Variants in YPEL1 observed in about 807,000 individuals in gnomAD.
YPEL1 encodes yippee like 1.
A neutral mutation model predicts 17.3 loss-of-function variants in YPEL1; 7 were observed. The ratio of observed to expected loss-of-function variants is 0.40; its 90% CI spans 0.23 to 0.76. The LOEUF is 0.76. Ranked by LOEUF, YPEL1 falls within the 30% of genes least tolerant of loss-of-function variation. YPEL1 has a pLI of 0.35. For synonymous variants in YPEL1, 59 were observed against 59.6 expected, an observed-to-expected ratio of 0.99 and a Z score of 0.05; for missense variants, 91 against 155.5, an observed-to-expected ratio of 0.59 and a Z score of 2.21.
At chr22:21,717,319 T>G (rs538336883) in intron 1 of YPEL1, among the ~76,000 whole-genome samples, 8 of 145,662 alleles carry the variant, frequency 5.5e-5, no homozygotes, top group African/African-American at 2.1e-4. Context: ...GAGGTTGCAG[T>G]GAGCTGAGAT....
chr22:21,709,085 A>G (rs1457039092), intron 2 of YPEL1, among the ~76,000 whole-genome samples: 1 of 152,138 alleles, frequency 6.6e-6, no homozygotes, highest in Non-Finnish European at 1.5e-5. Context: ...TCCGAAACAA[A>G]ACCATGCATG....
intron 1 of YPEL1, among the ~76,000 whole-genome samples, chr22:21,714,939 T>TA (rs1030576466): frequency 2.2e-4 from 34 of 152,146 alleles, no homozygotes; most frequent in African/African-American, 8.0e-4. Flanking sequence ...TTCGTAGGAG[T>TA]AAGTGATATA....
At chr22:21,715,274 C>G (rs1400267971) in intron 1 of YPEL1, among the ~76,000 whole-genome samples, 1 of 152,100 alleles carries the variant, frequency 6.6e-6, no homozygotes, top group Non-Finnish European at 1.5e-5. Flanking sequence ...GCGGGCAGAT[C>G]GCCAGGTCAG....
chr22:21,704,264 C>G (rs759393761), intron 2 of YPEL1: 3 of 699,790 alleles, frequency 4.3e-6, no homozygotes, highest in Non-Finnish European at 8.0e-6. Flanking sequence ...TCAAAATGCT[C>G]TCCTCGCCGC....
At chr22:21,727,464 G>C (rs1193280974) in intron 1 of YPEL1, among the ~76,000 whole-genome samples, 2 of 152,234 alleles carry the variant, frequency 1.3e-5, no homozygotes, top group African/African-American at 4.8e-5. Flanking sequence ...CTCGGACACT[G>C]TGTGTCCCCA....
chr22:21,699,081 G>GATGGC lies in YPEL1; in HGVS notation c.*2043_*2047dup, dbSNP rs1282517352. 4 of 152,514 alleles carry GATGGC rather than the reference G, an allele frequency of 2.6e-5. No homozygotes were observed. The highest frequency in any genetic ancestry group is 5.9e-5 in the Non-Finnish European group (4 of 68,126). 9.4% of individuals were successfully genotyped at this position (152,514 alleles called of 1,614,324 possible). The stretch of plus-strand genomic sequence containing the variant: ...CAAGGCTTCCAGGCTTGGGCAAAGA[G>GATGGC]ATGGCACCCAAAGGCATGCTGTGTG... On this transcript the variant is annotated 3_prime_UTR_variant, in exon 5 of 5. Coordinates refer to ENST00000339468, the MANE Select transcript of YPEL1 (RefSeq NM_013313.5).
At chr22:21,726,966 A>G (rs1338867912) in intron 1 of YPEL1, among the ~76,000 whole-genome samples, 1 of 152,254 alleles carries the variant, frequency 6.6e-6, no homozygotes, top group Non-Finnish European at 1.5e-5. Flanking sequence ...AATTACAAAA[A>G]GCCTTGTTTC....
intron 1 of YPEL1, among the ~76,000 whole-genome samples, chr22:21,714,333 A>T (rs2068200870): frequency 6.6e-6 from 1 of 152,156 alleles, no homozygotes; most frequent in Non-Finnish European, 1.5e-5. Flanking sequence ...ATGCTGCCTA[A>T]CTTGGACTTG....
chr22:21,722,498 C>T (rs1010180482), intron 1 of YPEL1, among the ~76,000 whole-genome samples: 3 of 152,050 alleles, frequency 2.0e-5, no homozygotes, highest in Non-Finnish European at 4.4e-5. Flanking sequence ...TGCCTGTAAT[C>T]CCAGCTACTT....
intron 1 of YPEL1, among the ~76,000 whole-genome samples, chr22:21,731,948 G>A (rs1232440693): frequency 1.3e-5 from 2 of 152,184 alleles, no homozygotes; most frequent in African/African-American, 2.4e-5. Context: ...CAGGACGGCA[G>A]GGGCTCAGCA....
intron 2 of YPEL1, among the ~76,000 whole-genome samples, chr22:21,704,684 A>G (rs556674399): frequency 6.6e-6 from 1 of 150,924 alleles, no homozygotes; most frequent in South Asian, 2.1e-4. Context: ...AAAAAGTCAT[A>G]GCACAAGATG....
chr22:21,732,394 T>A (rs2068396331), intron 1 of YPEL1, among the ~76,000 whole-genome samples: 1 of 152,220 alleles, frequency 6.6e-6, no homozygotes, highest in African/African-American at 2.4e-5. Context: ...ATGAAAAGCA[T>A]CACAGAACAG....
At chr22:21,722,732 C>G (rs764607419) in intron 1 of YPEL1, among the ~76,000 whole-genome samples, 68 of 152,204 alleles carry the variant, frequency 4.5e-4, no homozygotes, top group Non-Finnish European at 8.7e-4. Context: ...AACGCAAGCC[C>G]CCACCCCACA....
At position 21,701,068 on chromosome 22, in the gene YPEL1, C is replaced by G; in HGVS notation, c.*61G>C. The G allele has an allele frequency of 3.4e-6, 5 of 1,481,058 alleles. No homozygotes were observed. The South Asian group carries it at 5.7e-5, about 17-fold the overall frequency. 91.7% of individuals were successfully genotyped at this position (1,481,058 alleles called of 1,614,324 possible). ...GCTGTCACCAGATGCTCCTACGTTT[C>G]CATTACATTCACAGTTTCTTTCACA... is the stretch of plus-strand genomic sequence containing the variant. On this transcript the variant is annotated 3_prime_UTR_variant, in exon 5 of 5. Coordinates refer to ENST00000339468, the MANE Select transcript of YPEL1 (RefSeq NM_013313.5).
At chr22:21,717,193 C>G (rs551537729) in intron 1 of YPEL1, among the ~76,000 whole-genome samples, 22 of 151,934 alleles carry the variant, frequency 1.4e-4, no homozygotes, top group Non-Finnish European at 2.9e-4. Context: ...CTGGCCAACA[C>G]GGTGAAACCC....
intron 1 of YPEL1, among the ~76,000 whole-genome samples, chr22:21,721,870 T>A (rs2068287221): frequency 6.6e-6 from 1 of 152,184 alleles, no homozygotes; most frequent in African/African-American, 2.4e-5. Context: ...ATTAATAAAT[T>A]CCCATTTCCT....
intron 1 of YPEL1, among the ~76,000 whole-genome samples, chr22:21,732,759 C>T (rs928962199): frequency 9.9e-5 from 15 of 151,176 alleles, no homozygotes; most frequent in African/African-American, 3.2e-4. Flanking sequence ...TCCAGCCTGG[C>T]GACAGAGTGG....
In YPEL1 at chr22:21,703,711, C is replaced by CGTG; in HGVS notation, c.161+127_161+128insCAC. 9.6e-7 allele frequency: 1 copy of CGTG among 1,038,268 alleles called. No individual in the cohort carries two copies. 64.3% of individuals were successfully genotyped at this position (1,038,268 alleles called of 1,614,324 possible). On this transcript the variant is annotated intron_variant, in intron 3 of 4. Coordinates refer to ENST00000339468, the MANE Select transcript of YPEL1 (RefSeq NM_013313.5). This position sits in a 1 kb window ranked among gnomAD's most constrained non-coding sequence, Gnocchi z 6.1. ...CTTAGCGCGTTTCAGAAACTCCCGG[C>CGTG]GGGGGGATGGTGGGTTCTTTCAGGA...
chr22:21,704,614 G>A (rs939351971), intron 2 of YPEL1, among the ~76,000 whole-genome samples: 13 of 145,430 alleles, frequency 8.9e-5, no homozygotes, highest in East Asian at 4.0e-4. Context: ...CCAAGATTGC[G>A]CCACTGCACT....
Sources: allele counts gnomAD v4.1 joint callset (sites outside exome capture counted in the v4.1 genomes callset), GRCh38; gene constraint gnomAD v4.1.1; non-coding constraint Gnocchi (gnomAD v3.1); transcripts MANE v1.5; gene names NCBI Gene and HGNC (gene_info 2026-07-23, HGNC 2026-07-21).